Variants in ZNF236 observed in about 807,000 individuals in gnomAD.
ZNF236 encodes regulated by glucose.
Under a neutral mutation model 191.2 loss-of-function variants are expected in ZNF236, and 50 were observed. That is an observed-to-expected ratio of 0.26 (90% CI 0.21 to 0.33). The LOEUF (loss-of-function observed/expected upper bound fraction) is 0.33, where lower values mean the gene tolerates loss of function less well. Ranked by LOEUF, ZNF236 falls within the 10% of genes least tolerant of loss-of-function variation. The pLI is 1.00. For synonymous variants in ZNF236, 907 were observed against 928.8 expected (o/e 0.98, Z 0.43); for missense variants, 1,754 against 2,374.5 (o/e 0.74, Z 5.43).
At chr18:76,923,689 C>G (rs564412265) in intron 21 of ZNF236, among the ~76,000 whole-genome samples, 1 of 152,252 alleles carries the variant, frequency 6.6e-6, no homozygotes, top group East Asian at 1.9e-4. Flanking sequence ...GAGGCTGCCT[C>G]TGCCTCTGCC....
intron 27 of ZNF236, among the ~76,000 whole-genome samples, chr18:76,955,658 C>T (rs890035001): frequency 5.3e-5 from 8 of 152,144 alleles, no homozygotes; most frequent in East Asian, 3.9e-4. Context: ...CCCATGAGGA[C>T]GCGACCACGG....
chr18:76,883,414 A>G (rs1329342552), intron 9 of ZNF236, among the ~76,000 whole-genome samples: 1 of 149,512 alleles, frequency 6.7e-6, no homozygotes, highest in Non-Finnish European at 1.5e-5. Flanking sequence ...TGGTGATGAG[A>G]AAACCATTGG....
In ZNF236 at chr18:76,851,843, C is replaced by G; in HGVS notation, c.267C>G (p.Thr89=). The G allele has an allele frequency of 6.2e-7, 1 of 1,613,934 alleles. No individual in the cohort carries two copies. Among genetic ancestry groups the G allele is most frequent in the Non-Finnish European group, 8.5e-7 (1 of 1,179,916 alleles). The change falls in exon 3 of 31, where the codon ACC becomes ACG. Residue 89 remains threonine, a synonymous_variant. Coordinates refer to ENST00000320610, the MANE Select transcript of ZNF236 (RefSeq NM_001306089.2). ...VEFNLTLHKC[T]HSGEDPTCPV... ...TCAACCTGACACTTCATAAATGCAC[C>G]CACAGCGGGGAAGATCCTACCTGCC...
intron 3 of ZNF236, among the ~76,000 whole-genome samples, chr18:76,862,720 G>A (rs552315400): frequency 1.3e-5 from 2 of 152,282 alleles, no homozygotes; most frequent in East Asian, 1.9e-4. Flanking sequence ...CTCCCACTGC[G>A]GTCAGTGGGG....
chr18:76,924,721 A>C (rs1050822158), intron 21 of ZNF236, among the ~76,000 whole-genome samples: 4 of 152,326 alleles, frequency 2.6e-5, no homozygotes, highest in Admixed American at 2.0e-4. Context: ...TTTCCTTTGC[A>C]TATTCTCCCA....
intron 28 of ZNF236, among the ~76,000 whole-genome samples, chr18:76,958,171 T>C (rs1442272315): frequency 6.6e-6 from 1 of 152,038 alleles, no homozygotes. Context: ...GGCCGACAGG[T>C]GTGTTGCAGT....
intron 13 of ZNF236, 29 bp from the exon 14 acceptor site, chr18:76,908,291 C>A: frequency 6.2e-7 from 1 of 1,602,454 alleles, no homozygotes; most frequent in South Asian, 1.1e-5. Flanking sequence ...AGCATCTAAC[C>A]TGATGAACTG....
chr18:76,910,301 A>G (rs573164882), intron 15 of ZNF236, 132 bp downstream of exon 15: 14 of 769,186 alleles, frequency 1.8e-5, no homozygotes, highest in East Asian at 8.2e-5. Flanking sequence ...AACTTTTTGC[A>G]TGCATTGTAG....
chr18:76,827,056 C>G (rs777883351), intron 1 of ZNF236, among the ~76,000 whole-genome samples: 43 of 151,836 alleles, frequency 2.8e-4, no homozygotes, highest in Non-Finnish European at 5.6e-4. Flanking sequence ...GCCACTATGC[C>G]CAGCTAATTT....
intron 14 of ZNF236, among the ~76,000 whole-genome samples, chr18:76,909,056 G>A (rs1232976662): frequency 6.6e-6 from 1 of 151,644 alleles, no homozygotes; most frequent in Non-Finnish European, 1.5e-5. Context: ...GGTGGCTCAC[G>A]CCTGTAATCC....
At chr18:76,911,276 T>G (rs542549856) in intron 16 of ZNF236, among the ~76,000 whole-genome samples, 1 of 146,962 alleles carries the variant, frequency 6.8e-6, no homozygotes, top group African/African-American at 2.5e-5. Flanking sequence ...GTTTTCATTT[T>G]CCTGCTTTTG....
At chr18:76,912,444 C>T in intron 17 of ZNF236, 97 bp downstream of exon 17, 1 of 780,936 alleles carries the variant, frequency 1.3e-6, no homozygotes, top group Non-Finnish European at 2.1e-6. Context: ...CGATTTCATT[C>T]TCTCAAAACT....
intron 1 of ZNF236, among the ~76,000 whole-genome samples, chr18:76,823,656 T>G (rs1974931410): frequency 6.6e-6 from 1 of 152,194 alleles, no homozygotes; most frequent in Non-Finnish European, 1.5e-5. Flanking sequence ...GCCCAGAATT[T>G]AAGAGCAGGC....
Position 76,923,919 on chromosome 18 carries a change from G to A in ZNF236, c.3661+745G>A, listed in dbSNP as rs77156107. On this transcript the variant is annotated intron_variant, in intron 21 of 30. Coordinates refer to ENST00000320610, the MANE Select transcript of ZNF236 (RefSeq NM_001306089.2). The stretch of plus-strand genomic sequence containing the variant: ...AGGAATGGATTGGCCTGTGGTAAAC[G>A]CACAGTGAATGCAGAGCTGTTGTTA... 3.3e-3 allele frequency among the ~76,000 whole-genome samples: 506 copies of A among 152,242 alleles called. 5 individuals are homozygous for A. Among genetic ancestry groups the A allele is most frequent in the African/African-American group, 0.012 (487 of 41,540 alleles).
chr18:76,957,142 G>A (rs762798425), intron 28 of ZNF236, among the ~76,000 whole-genome samples: 1 of 150,042 alleles, frequency 6.7e-6, no homozygotes, highest in Non-Finnish European at 1.5e-5. Flanking sequence ...GGGTTCCTGT[G>A]TATGTTGGGG....
At chr18:76,966,128 T>C (rs1968768575) in intron 30 of ZNF236, among the ~76,000 whole-genome samples, 1 of 152,144 alleles carries the variant, frequency 6.6e-6, no homozygotes, top group African/African-American at 2.4e-5. Flanking sequence ...AGTCTGTGGG[T>C]CCTCTCAGGT....
intron 1 of ZNF236, among the ~76,000 whole-genome samples, chr18:76,825,557 T>C (rs1008465972): frequency 3.3e-5 from 5 of 152,176 alleles, no homozygotes; most frequent in African/African-American, 4.8e-5. Flanking sequence ...AATCCAACTG[T>C]CTTCTGTTAA....
At chr18:76,935,019 T>G (rs1462726436) in intron 25 of ZNF236, among the ~76,000 whole-genome samples, 2 of 152,220 alleles carry the variant, frequency 1.3e-5, no homozygotes, top group African/African-American at 4.8e-5. Context: ...GGAGGAACAG[T>G]GGTTTCAGAA....
chr18:76,903,240 G>GA (rs1977650968), intron 11 of ZNF236, among the ~76,000 whole-genome samples: 2 of 152,134 alleles, frequency 1.3e-5, no homozygotes, highest in Admixed American at 1.3e-4. Context: ...GGTGGCAGTG[G>GA]AAAAAGAAGA....
Sources: allele counts gnomAD v4.1 joint callset (sites outside exome capture counted in the v4.1 genomes callset), GRCh38; gene constraint gnomAD v4.1.1; transcripts MANE v1.5; gene names NCBI Gene and HGNC (gene_info 2026-07-23, HGNC 2026-07-21).